Variants in BICC1 observed in about 807,000 individuals in gnomAD.
BICC1 encodes BicC family RNA binding protein 1.
A neutral mutation model predicts 111.0 loss-of-function variants in BICC1; 43 were observed. That is an observed-to-expected ratio of 0.39 (90% CI 0.30 to 0.50). The LOEUF is 0.50. Ranked by LOEUF, BICC1 falls within the 20% of genes least tolerant of loss-of-function variation. The probability of loss-of-function intolerance (pLI) is 0.88; values close to 1 mark genes in which losing one functional copy is unlikely to be tolerated. For missense variants in BICC1, 1,091 were observed against 1,203.2 expected, an observed-to-expected ratio of 0.91 and a Z score of 1.38; for synonymous variants, 467 against 434.4, an observed-to-expected ratio of 1.07 and a Z score of -0.93.
chr10:58,670,615 A>G (rs1276362183), intron 2 of BICC1, among the ~76,000 whole-genome samples: 1 of 152,226 alleles, frequency 6.6e-6, no homozygotes, highest in African/African-American at 2.4e-5. Flanking sequence ...TGAACAGTAG[A>G]GGGAATGGCA....
intron 1 of BICC1, among the ~76,000 whole-genome samples, chr10:58,608,344 C>T (rs1336548823): frequency 1.3e-5 from 2 of 152,154 alleles, no homozygotes. Context: ...GGAGAGCTCC[C>T]CTTCCTCCCC....
chr10:58,700,555 G>T (rs1434641769), intron 2 of BICC1, among the ~76,000 whole-genome samples: 1 of 152,190 alleles, frequency 6.6e-6, no homozygotes. Flanking sequence ...TGCCTTCAGG[G>T]CCAGACCAGT....
chr10:58,744,405 C>T (rs968841327), intron 3 of BICC1, among the ~76,000 whole-genome samples: 1 of 151,756 alleles, frequency 6.6e-6, no homozygotes, highest in Non-Finnish European at 1.5e-5. Flanking sequence ...CTTGATAAAG[C>T]CATTCATTTG....
Position 58,789,818 on chromosome 10 carries a change from T to G in BICC1, c.932T>G (p.Met311Arg). 6.2e-7 allele frequency: 1 copy of G among 1,614,156 alleles called. No homozygotes were observed. The highest frequency in any genetic ancestry group is 8.5e-7 in the Non-Finnish European group (1 of 1,180,006). ...GRNGSNIKHI[M>R]QRTGAQIHFP... ...AATGGGAGCAACATCAAACATATCA[T>G]GCAGAGAACAGGTGCTCAGATCCAC... The change falls in exon 8 of 21, where the codon ATG (methionine) becomes AGG (arginine). Residue 311 changes from methionine to arginine, a missense_variant. By Grantham distance (91) the Met-to-Arg change is moderately conservative (BLOSUM62 -1). Transcript: ENST00000373886.
intron 3 of BICC1, among the ~76,000 whole-genome samples, chr10:58,769,237 A>T (rs1842543120): frequency 6.6e-6 from 1 of 151,500 alleles, no homozygotes; most frequent in African/African-American, 2.4e-5. Flanking sequence ...TATAGCTCAT[A>T]ATATACCCTT....
At chr10:58,787,192 G>A (rs1843034890) in intron 5 of BICC1, 111 bp downstream of exon 5, 1 of 981,520 alleles carries the variant, frequency 1.0e-6, no homozygotes, top group African/African-American at 1.7e-5. Flanking sequence ...AAATCACATA[G>A]ATGACATACA....
At chr10:58,725,114 G>A (rs377111076) in intron 3 of BICC1, among the ~76,000 whole-genome samples, 4 of 152,170 alleles carry the variant, frequency 2.6e-5, no homozygotes, top group East Asian at 3.8e-4. Flanking sequence ...TGTTTAACGT[G>A]TGGCTTACTT....
chr10:58,807,756 G>A (rs1359286729), intron 17 of BICC1, among the ~76,000 whole-genome samples: 1 of 152,100 alleles, frequency 6.6e-6, no homozygotes, highest in Non-Finnish European at 1.5e-5. Context: ...CAGGCTACAC[G>A]CGATTCACCA....
At chr10:58,643,301 A>G (rs1182656441) in intron 2 of BICC1, among the ~76,000 whole-genome samples, 1 of 152,336 alleles carries the variant, frequency 6.6e-6, no homozygotes, top group East Asian at 1.9e-4. Context: ...GCATTTGGCT[A>G]CATTCAGTGA....
intron 1 of BICC1, among the ~76,000 whole-genome samples, chr10:58,515,940 TAATA>T (rs1225325172): frequency 2.1e-4 from 32 of 152,178 alleles, no homozygotes; most frequent in African/African-American, 7.7e-4. Context: ...AGTATATACT[TAATA>T]AATAGTTGGG....
intron 9 of BICC1, among the ~76,000 whole-genome samples, chr10:58,795,582 C>T (rs1157531144): frequency 6.6e-6 from 1 of 151,888 alleles, no homozygotes; most frequent in Non-Finnish European, 1.5e-5. Context: ...TGCAGCATCC[C>T]AGGGCCATTT....
At chr10:58,789,530 CTA>C in intron 7 of BICC1, 74 bp downstream of exon 7, 1 of 1,509,642 alleles carries the variant, frequency 6.6e-7, no homozygotes, top group Non-Finnish European at 9.0e-7. Context: ...GAATATTAGA[CTA>C]ATTTGATTTC....
chr10:58,653,616 G>T (rs908573925), intron 2 of BICC1, among the ~76,000 whole-genome samples: 1 of 152,020 alleles, frequency 6.6e-6, no homozygotes, highest in Admixed American at 6.6e-5. Context: ...TCTGCCATCT[G>T]TTCAATCCAC....
intron 2 of BICC1, among the ~76,000 whole-genome samples, chr10:58,643,144 C>A (rs1458953577): frequency 6.6e-6 from 1 of 152,184 alleles, no homozygotes; most frequent in African/African-American, 2.4e-5. Flanking sequence ...ATTACTTAAA[C>A]CTTCAGCTTA....
At chr10:58,535,153 A>T (rs1842793166) in intron 1 of BICC1, among the ~76,000 whole-genome samples, 1 of 151,776 alleles carries the variant, frequency 6.6e-6, no homozygotes, top group Non-Finnish European at 1.5e-5. Flanking sequence ...AAAAATTTGG[A>T]AAACCTATTT....
intron 1 of BICC1, among the ~76,000 whole-genome samples, chr10:58,534,865 T>A (rs1579394): frequency 0.46 from 69,287 of 150,174 alleles, 16,964 homozygotes; most frequent in Admixed American, 0.62. Context: ...CAATGAAAAA[T>A]TTTTTTTTAA....
intron 2 of BICC1, among the ~76,000 whole-genome samples, chr10:58,646,867 C>G (rs1433841742): frequency 6.6e-6 from 1 of 151,958 alleles, no homozygotes. Context: ...GAAGGTATTT[C>G]TTTTCGTAGG....
chr10:58,558,783 A>G (rs1304656167), intron 1 of BICC1, among the ~76,000 whole-genome samples: 1 of 152,090 alleles, frequency 6.6e-6, no homozygotes, highest in Non-Finnish European at 1.5e-5. Context: ...AGGTGCTAAC[A>G]GTATAGGTGT....
chr10:58,754,423 T>G (rs1353833925), intron 3 of BICC1, among the ~76,000 whole-genome samples: 2 of 152,178 alleles, frequency 1.3e-5, no homozygotes, highest in Admixed American at 1.3e-4. Context: ...GTTGAAAATG[T>G]GGGGGTCTGC....
Sources: gnomAD v4.1 joint callset for allele counts (sites outside exome capture counted in the v4.1 genomes callset) on GRCh38, gnomAD v4.1.1 for gene constraint, MANE v1.5 for transcripts, NCBI Gene and HGNC (gene_info 2026-07-23, HGNC 2026-07-21) for gene names.